Variants in PPP1R37 observed in about 807,000 individuals in gnomAD.
The protein encoded by PPP1R37 is leucine rich repeat containing 68.
PPP1R37 carries 21 observed loss-of-function variants against 61.0 expected under a neutral mutation model. That is an observed-to-expected ratio of 0.34 (90% confidence interval 0.24 to 0.50). The LOEUF (loss-of-function observed/expected upper bound fraction) is 0.50, where lower values mean the gene tolerates loss of function less well. PPP1R37 is among the 20% of genes least tolerant of loss of function. The pLI, the probability that PPP1R37 is intolerant of heterozygous loss-of-function variation, is 0.98. For missense variants in PPP1R37, 910 were observed against 952.7 expected, an observed-to-expected ratio of 0.96 and a Z score of 0.59; for synonymous variants, 443 against 433.5, an observed-to-expected ratio of 1.02 and a Z score of -0.27.
At chr19:45,114,637 T>C (rs1968241533) in intron 1 of PPP1R37, among the ~76,000 whole-genome samples, 1 of 152,086 alleles carries the variant, frequency 6.6e-6, no homozygotes, top group Non-Finnish European at 1.5e-5. Context: ...TAGGTTGCTG[T>C]TACATGTGTT....
intron 11 of PPP1R37, 142 bp downstream of exon 11, chr19:45,146,191 A>C: frequency 2.0e-6 from 2 of 1,017,986 alleles, no homozygotes; most frequent in Non-Finnish European, 2.8e-6. Context: ...CTTAGTTCTC[A>C]TCTCCACCCT....
In PPP1R37 at chr19:45,140,772, C is replaced by T. The variant is rs1968600902; in HGVS notation, c.447+166C>T. The T allele has an allele frequency of 4.9e-6, 3 of 608,478 alleles. No homozygotes were observed. In the South Asian group the frequency reaches 5.8e-5, roughly 12 times the overall value. The allele number at this position is 608,478 out of a possible 1,614,324, so 37.7% of individuals were successfully genotyped here. On this transcript the variant is annotated intron_variant, in intron 4 of 12. Transcript: ENST00000221462. ...GGCAAGAGGGAGACATCCAATATGA[C>T]CAGAGTGGATGTGGAGGGCGCGTTG...
intron 1 of PPP1R37, among the ~76,000 whole-genome samples, chr19:45,120,372 C>A (rs1968327209): frequency 6.6e-6 from 1 of 152,096 alleles, no homozygotes; most frequent in South Asian, 2.1e-4. Context: ...CTGCACCTTG[C>A]TTTTTTCATT....
intron 1 of PPP1R37, among the ~76,000 whole-genome samples, chr19:45,120,787 A>G (rs999671344): frequency 2.0e-5 from 3 of 152,084 alleles, no homozygotes; most frequent in Admixed American, 2.0e-4. Flanking sequence ...TAATTTTTGT[A>G]TTTTTAGTAG....
At chr19:45,100,360 T>C (rs566965478) in intron 1 of PPP1R37, 1 of 152,338 alleles carries the variant, frequency 6.6e-6, no homozygotes, top group African/African-American at 2.4e-5. Flanking sequence ...TGGGTTAAAT[T>C]CTTGCCTTCT....
At position 45,144,527 on chromosome 19, in the gene PPP1R37, G is replaced by A. The variant is rs116139252; in HGVS notation, c.988-327G>A. ...GCGAGCACTCGTGTGCTCAAACCCCGGGATAAGAGTTGCCCTCCTTGGGGG... is the reference window on the plus strand; with the variant it reads ...GCGAGCACTCGTGTGCTCAAACCCCAGGATAAGAGTTGCCCTCCTTGGGGG... On this transcript the variant is annotated intron_variant, in intron 8 of 12. Coordinates refer to ENST00000221462, the MANE Select transcript of PPP1R37 (RefSeq NM_019121.2). 5.0e-3 allele frequency: 1,735 copies of A among 345,112 alleles called. 22 individuals carry two copies. The highest frequency in any genetic ancestry group is 0.034 in the African/African-American group (1,606 of 46,906). The allele number at this position is 345,112 out of a possible 1,614,324, so 21.4% of individuals were successfully genotyped here.
chr19:45,141,921 A>G, intron 5 of PPP1R37, 140 bp from the exon 6 acceptor site: 1 of 965,712 alleles, frequency 1.0e-6, no homozygotes, highest in South Asian at 1.8e-5. Flanking sequence ...ACATAGCCAG[A>G]CGACAGCTGT....
intron 1 of PPP1R37, among the ~76,000 whole-genome samples, chr19:45,116,693 G>T (rs1413151567): frequency 1.3e-5 from 2 of 152,186 alleles, no homozygotes; most frequent in Non-Finnish European, 2.9e-5. Flanking sequence ...GAGTGAGTCG[G>T]TGCATTCGTT....
intron 2 of PPP1R37, 36 bp from the exon 3 acceptor site, chr19:45,140,200 G>C: frequency 6.5e-7 from 1 of 1,529,280 alleles, no homozygotes; most frequent in Admixed American, 2.0e-5. Flanking sequence ...CCCTGTTCAA[G>C]TGTCTTCCTG....
In PPP1R37 at chr19:45,121,762, G is replaced by A. The variant is rs1968345220; in HGVS notation, c.203-16752G>A. Among the ~76,000 whole-genome samples the A allele has an allele frequency of 6.6e-6, 1 of 152,206 alleles. No individual in the cohort carries two copies. The highest frequency in any genetic ancestry group is 1.5e-5 in the Non-Finnish European group (1 of 68,026). ...TGTGGTTGCTCCAGGATTGGACTTA[G>A]AAATCTGGGTTTGACTACATATCAG... is the stretch of plus-strand genomic sequence containing the variant. On this transcript the variant is annotated intron_variant, in intron 1 of 12. Transcript: ENST00000221462. The surrounding 1 kb of genome is among the most constrained non-coding windows in gnomAD (Gnocchi z 4.2).
intron 1 of PPP1R37, among the ~76,000 whole-genome samples, chr19:45,111,776 G>T (rs779521380): frequency 6.6e-6 from 1 of 151,958 alleles, no homozygotes; most frequent in African/African-American, 2.4e-5. Context: ...ATTTTTTGCG[G>T]GGGGCGGGGG....
At chr19:45,110,918 A>G (rs1260537451) in intron 1 of PPP1R37, among the ~76,000 whole-genome samples, 1 of 152,178 alleles carries the variant, frequency 6.6e-6, no homozygotes, top group Admixed American at 6.5e-5. Flanking sequence ...GTGGCCCGAA[A>G]TAGCCTGCCT....
intron 1 of PPP1R37, among the ~76,000 whole-genome samples, chr19:45,102,451 T>C (rs1358706705): frequency 6.6e-6 from 1 of 152,154 alleles, no homozygotes; most frequent in East Asian, 1.9e-4. Context: ...GGATTGAGGA[T>C]TAAATTAGCC....
At chr19:45,097,650 T>C (rs1968009899) in intron 1 of PPP1R37, among the ~76,000 whole-genome samples, 1 of 151,948 alleles carries the variant, frequency 6.6e-6, no homozygotes, top group Non-Finnish European at 1.5e-5. Flanking sequence ...CTTATCCGGA[T>C]TCCCATCTCC....
At chr19:45,131,087 G>A (rs1010237923) in intron 1 of PPP1R37, among the ~76,000 whole-genome samples, 1 of 140,340 alleles carries the variant, frequency 7.1e-6, no homozygotes, top group Non-Finnish European at 1.7e-5. Context: ...CATTGCACCT[G>A]TGTGCAAATG....
rs1053273520 is a variant in PPP1R37, at chr19:45,146,271, C to T, written c.1994-119C>T. The T allele has an allele frequency of 3.8e-5, 38 of 1,000,168 alleles. No homozygotes were observed. The Admixed American group carries it at 6.0e-4, about 16-fold the overall frequency. 62.0% of individuals were successfully genotyped at this position (1,000,168 alleles called of 1,614,324 possible). A position where few individuals can be genotyped will look rare whatever the true frequency, so the allele number is the denominator to read the frequency against. On this transcript the variant is annotated intron_variant, in intron 11 of 12. Transcript: ENST00000221462. ...GTAAGGTGTGCTGCCTTGAGCCTGA[C>T]CATCTCAGCGGTCTCTGGGCACTCT... is the stretch of plus-strand genomic sequence containing the variant.
At chr19:45,142,548 G>A in intron 7 of PPP1R37, 90 bp downstream of exon 7, 2 of 1,326,082 alleles carry the variant, frequency 1.5e-6, no homozygotes, top group South Asian at 1.4e-5. Context: ...ACACAGACAT[G>A]GCCAAGACCA....
At chr19:45,113,783 G>T (rs1478030547) in intron 1 of PPP1R37, among the ~76,000 whole-genome samples, 1 of 152,212 alleles carries the variant, frequency 6.6e-6, no homozygotes, top group East Asian at 1.9e-4. Flanking sequence ...ACCACTCTTG[G>T]TGATTATTTA....
Position 45,093,237 on chromosome 19 carries a change from C to T in PPP1R37, c.-89C>T, listed in dbSNP as rs1967943951. 1 of 1,072,712 alleles carries T rather than the reference C, an allele frequency of 9.3e-7. No individual in the cohort carries two copies. The highest frequency in any genetic ancestry group is 1.2e-6 in the Non-Finnish European group (1 of 815,812). The allele number at this position is 1,072,712 out of a possible 1,614,324, so 66.4% of individuals were successfully genotyped here. A position where few individuals can be genotyped will look rare whatever the true frequency, so the allele number is the denominator to read the frequency against. On this transcript the variant is annotated 5_prime_UTR_variant, in exon 1 of 13. Coordinates refer to ENST00000221462, the MANE Select transcript of PPP1R37 (RefSeq NM_019121.2). The stretch of plus-strand genomic sequence containing the variant: ...CGGCGCCTGAAGCGGCGGCGGAGCC[C>T]ATGCCCCGGGACGGCGGGCGGACCC...
Sources: gnomAD v4.1 joint callset for allele counts (sites outside exome capture counted in the v4.1 genomes callset) on GRCh38, gnomAD v4.1.1 for gene constraint, Gnocchi (gnomAD v3.1) non-coding constraint, MANE v1.5 for transcripts, NCBI Gene and HGNC (gene_info 2026-07-23, HGNC 2026-07-21) for gene names.